RPS6KC1: variants seen among roughly 807,000 people sequenced by gnomAD.
The protein encoded by RPS6KC1 is ribosomal protein S6 kinase C1.
In RPS6KC1, 54 loss-of-function variants were observed where a neutral mutation model predicts 103.8. That is an observed-to-expected ratio of 0.52 (90% CI 0.42 to 0.65). RPS6KC1 has a LOEUF of 0.65. Among genes scored for constraint, RPS6KC1 ranks in the 30% least tolerant of loss-of-function variants. RPS6KC1 has a pLI of 0.00. For missense variants in RPS6KC1, 1,151 were observed against 1,253.8 expected (o/e 0.92, Z 1.24); for synonymous variants, 439 against 438.7 (o/e 1.00, Z -0.01).
chr1:213,722,349 G>A, the RPS6KC1 span, among the ~76,000 whole-genome samples: 1 of 152,078 alleles, frequency 6.6e-6, no homozygotes, highest in African/African-American at 2.4e-5. Context: ...TCTGGGTTTG[G>A]AATTCTCTAC....
At chr1:213,729,220 C>T in the RPS6KC1 span, among the ~76,000 whole-genome samples, 1 of 152,036 alleles carries the variant, frequency 6.6e-6, no homozygotes, top group Non-Finnish European at 1.5e-5. Flanking sequence ...TAGACTTTTC[C>T]AGAAGTAAGC....
chr1:213,726,364 C>T, the RPS6KC1 span, among the ~76,000 whole-genome samples: 1 of 152,196 alleles, frequency 6.6e-6, no homozygotes, highest in Non-Finnish European at 1.5e-5. Flanking sequence ...CATAAACTAC[C>T]ATGCCAGGCC....
the RPS6KC1 span, among the ~76,000 whole-genome samples, chr1:213,545,120 C>G: frequency 3.9e-5 from 6 of 152,098 alleles, no homozygotes; most frequent in Non-Finnish European, 8.8e-5. Flanking sequence ...AATCCCAGCA[C>G]TTTGGGAGAC....
the RPS6KC1 span, among the ~76,000 whole-genome samples, chr1:213,774,540 A>C: frequency 6.6e-6 from 1 of 152,200 alleles, no homozygotes; most frequent in African/African-American, 2.4e-5. Context: ...GGTGAAATAG[A>C]AGTAAAAACA....
chr1:213,741,853 G>A, the RPS6KC1 span, among the ~76,000 whole-genome samples: 43,522 of 151,872 alleles, frequency 0.29, 7,191 homozygotes, highest in African/African-American at 0.44. Flanking sequence ...TGGGAAGCTC[G>A]GTATGCTCAT....
intron 8 of RPS6KC1, among the ~76,000 whole-genome samples, chr1:213,208,874 A>G (rs967868303): frequency 1.3e-5 from 2 of 151,772 alleles, no homozygotes; most frequent in East Asian, 1.9e-4. Context: ...TAGAGTATAT[A>G]TACTTTTTCC....
chr1:213,073,003 TAGA>T, intron 2 of RPS6KC1: 1 of 567,844 alleles, frequency 1.8e-6, no homozygotes, highest in Non-Finnish European at 2.2e-6. Context: ...GTCTTTTAGT[TAGA>T]CAATTGCATG....
At chr1:213,170,927 G>T (rs981215844) in intron 7 of RPS6KC1, among the ~76,000 whole-genome samples, 1 of 152,094 alleles carries the variant, frequency 6.6e-6, no homozygotes, top group Non-Finnish European at 1.5e-5. Context: ...GCTCAAATTT[G>T]GTGCAAAGCA....
chr1:213,262,188 T>C (rs2094812910), intron 13 of RPS6KC1, among the ~76,000 whole-genome samples: 1 of 152,150 alleles, frequency 6.6e-6, no homozygotes, highest in Admixed American at 6.6e-5. Context: ...GATTGCCTCC[T>C]GGGAAGAAAA....
At chr1:213,398,029 G>A in the RPS6KC1 span, among the ~76,000 whole-genome samples, 2 of 151,348 alleles carry the variant, frequency 1.3e-5, no homozygotes, top group South Asian at 4.2e-4. Flanking sequence ...AGCTTTGACC[G>A]TCTTTTTTTC....
At chr1:213,596,295 C>T in the RPS6KC1 span, among the ~76,000 whole-genome samples, 12 of 152,198 alleles carry the variant, frequency 7.9e-5, no homozygotes, top group African/African-American at 1.9e-4. Context: ...TAGGAGTCAA[C>T]GCGAGTGGCT....
the RPS6KC1 span, among the ~76,000 whole-genome samples, chr1:213,550,553 G>A: frequency 3.9e-5 from 6 of 152,138 alleles, no homozygotes; most frequent in Non-Finnish European, 7.3e-5. Flanking sequence ...CTTATCATAA[G>A]CAATTATCTT....
intron 3 of RPS6KC1, among the ~76,000 whole-genome samples, chr1:213,101,333 G>A (rs2082001503): frequency 6.6e-6 from 1 of 151,974 alleles, no homozygotes; most frequent in Non-Finnish European, 1.5e-5. Context: ...TTCCTTTATC[G>A]TATTTGTTCT....
chr1:213,613,807 C>T, the RPS6KC1 span, among the ~76,000 whole-genome samples: 1 of 152,144 alleles, frequency 6.6e-6, no homozygotes, highest in East Asian at 1.9e-4. Flanking sequence ...CTCAATTGCC[C>T]AGGTGGGACT....
the RPS6KC1 span, among the ~76,000 whole-genome samples, chr1:213,551,252 G>A: frequency 1.3e-5 from 2 of 152,160 alleles, no homozygotes; most frequent in African/African-American, 2.4e-5. Context: ...TGGAGATTCA[G>A]GTACTGTTGA....
the RPS6KC1 span, among the ~76,000 whole-genome samples, chr1:213,770,582 G>A: frequency 2.6e-5 from 4 of 152,110 alleles, no homozygotes; most frequent in Non-Finnish European, 4.4e-5. Flanking sequence ...ATTCATTCTC[G>A]TAACAACCCA....
the RPS6KC1 span, among the ~76,000 whole-genome samples, chr1:213,372,961 G>C: frequency 6.6e-6 from 1 of 152,034 alleles, no homozygotes. Context: ...TAATGTTGAA[G>C]GTGTATGTTT....
the RPS6KC1 span, among the ~76,000 whole-genome samples, chr1:213,854,556 C>CT: frequency 9.3e-6 from 1 of 107,322 alleles, no homozygotes; most frequent in African/African-American, 4.8e-5. Flanking sequence ...TTCTTTCTTT[C>CT]TTTCTTTCTC....
chr1:213,184,488 T>G (rs1056561197), intron 8 of RPS6KC1, among the ~76,000 whole-genome samples: 6 of 152,060 alleles, frequency 3.9e-5, no homozygotes, highest in African/African-American at 1.2e-4. Flanking sequence ...ATTTTTTTTT[T>G]GCCTCAATTT....
Sources: gnomAD v4.1 joint callset for allele counts (sites outside exome capture counted in the v4.1 genomes callset) on GRCh38, gnomAD v4.1.1 for gene constraint, MANE v1.5 for transcripts, NCBI Gene and HGNC (gene_info 2026-07-23, HGNC 2026-07-21) for gene names.